THSD7B: variants seen among roughly 807,000 people sequenced by gnomAD.
THSD7B encodes thrombospondin type 1 domain containing 7B.
Under a neutral mutation model 213.6 loss-of-function variants are expected in THSD7B, and 138 were observed. The observed-to-expected ratio is 0.65, with a 90% confidence interval of 0.56 to 0.74. The LOEUF (loss-of-function observed/expected upper bound fraction) is 0.74, where lower values mean the gene tolerates loss of function less well. Ranked by LOEUF, THSD7B falls within the 30% of genes least tolerant of loss-of-function variation. The pLI is 0.00. For synonymous variants in THSD7B, 742 were observed against 687.0 expected (o/e 1.08, Z -1.25); for missense variants, 1,931 against 1,991.5 (o/e 0.97, Z 0.58).
chr2:136,804,594 T>C (rs1301494477), intron 1 of THSD7B, among the ~76,000 whole-genome samples: 1 of 152,136 alleles, frequency 6.6e-6, no homozygotes, highest in Non-Finnish European at 1.5e-5. Context: ...TGGTGTTTTG[T>C]AAGGTAGTCA....
chr2:137,022,531 C>T (rs1686464238), intron 2 of THSD7B, among the ~76,000 whole-genome samples: 1 of 150,878 alleles, frequency 6.6e-6, no homozygotes, highest in South Asian at 2.1e-4. Context: ...GAAGATGTAC[C>T]ACAAAAAAAT....
intron 3 of THSD7B, among the ~76,000 whole-genome samples, chr2:137,091,262 CAG>C (rs746693321): frequency 3.7e-4 from 57 of 152,104 alleles, no homozygotes; most frequent in Admixed American, 8.5e-4. Context: ...GGATGAGCAA[CAG>C]AGAGTGAAAG....
chr2:137,321,225 T>C (rs1573960120), intron 12 of THSD7B, among the ~76,000 whole-genome samples: 1 of 152,328 alleles, frequency 6.6e-6, no homozygotes, highest in Non-Finnish European at 1.5e-5. Flanking sequence ...GTTTAGAGTA[T>C]TATGTCTCTT....
At chr2:137,103,895 A>C (rs1412497969) in intron 4 of THSD7B, among the ~76,000 whole-genome samples, 1 of 152,224 alleles carries the variant, frequency 6.6e-6, no homozygotes, top group Non-Finnish European at 1.5e-5. Flanking sequence ...CCAAGTACTT[A>C]GAGACCTACA....
intron 15 of THSD7B, among the ~76,000 whole-genome samples, chr2:137,492,948 C>T (rs538234637): frequency 5.6e-4 from 85 of 151,038 alleles, no homozygotes; most frequent in African/African-American, 1.8e-3. Context: ...GGTGAAACCC[C>T]GTCTCTACTA....
At chr2:137,635,243 G>A (rs1300330569) in intron 20 of THSD7B, among the ~76,000 whole-genome samples, 16 of 152,164 alleles carry the variant, frequency 1.1e-4, no homozygotes, top group Non-Finnish European at 1.3e-4. Flanking sequence ...GTCAACTTCT[G>A]TTCCTTCATC....
intron 5 of THSD7B, among the ~76,000 whole-genome samples, chr2:137,147,821 C>T (rs993422605): frequency 3.4e-4 from 51 of 152,194 alleles, no homozygotes; most frequent in African/African-American, 1.2e-3. Flanking sequence ...TCTTCCTGTT[C>T]CCTTTCTCTC....
chr2:137,670,171 T>C (rs752389765), intron 27 of THSD7B, among the ~76,000 whole-genome samples: 5 of 152,178 alleles, frequency 3.3e-5, no homozygotes, highest in Non-Finnish European at 4.4e-5. Flanking sequence ...CCTTTAATAA[T>C]GTCCCTGTGG....
intron 25 of THSD7B, 95 bp from the exon 26 acceptor site, chr2:137,663,288 T>C: frequency 9.2e-7 from 1 of 1,089,198 alleles, no homozygotes; most frequent in Non-Finnish European, 1.2e-6. Context: ...TGCCATGATG[T>C]ATAGTGCAAA....
chr2:137,501,016 T>C (rs1467134897), intron 15 of THSD7B, among the ~76,000 whole-genome samples: 2 of 152,174 alleles, frequency 1.3e-5, no homozygotes, highest in Non-Finnish European at 2.9e-5. Flanking sequence ...ATTAAGCATC[T>C]CAGTACTTCA....
intron 10 of THSD7B, among the ~76,000 whole-genome samples, chr2:137,262,499 C>T (rs1682474862): frequency 6.6e-6 from 1 of 151,840 alleles, no homozygotes; most frequent in African/African-American, 2.4e-5. Context: ...ACACATAACA[C>T]ATTGACAAGA....
At chr2:136,915,385 T>C (rs1684333028) in intron 2 of THSD7B, among the ~76,000 whole-genome samples, 1 of 152,170 alleles carries the variant, frequency 6.6e-6, no homozygotes, top group South Asian at 2.1e-4. Flanking sequence ...TTATATGATG[T>C]TTTTCCTGTG....
At chr2:136,779,198 ATGTGTGTGTGTGTGTGTGTGTGTGTG>A (rs199689020) in intron 1 of THSD7B, among the ~76,000 whole-genome samples, 1 of 55,088 alleles carries the variant, frequency 1.8e-5, no homozygotes, top group African/African-American at 7.2e-5. Context: ...ATATATATAT[ATGTGTGTGTGTGTGTGTGTGTGTGTG>A]TGTGTGTGTG....
intron 5 of THSD7B, among the ~76,000 whole-genome samples, chr2:137,134,815 T>C (rs1679398312): frequency 6.6e-6 from 1 of 152,210 alleles, no homozygotes; most frequent in Non-Finnish European, 1.5e-5. Flanking sequence ...AACCAAGTTC[T>C]TTCTACCCTT....
chr2:137,438,400 A>G (rs1687335206), intron 14 of THSD7B, among the ~76,000 whole-genome samples: 1 of 152,132 alleles, frequency 6.6e-6, no homozygotes, highest in African/African-American at 2.4e-5. Context: ...GGGTACTGTT[A>G]TTAACCCCAT....
At chr2:137,538,585 T>C (rs1370238973) in intron 15 of THSD7B, 1 of 486,572 alleles carries the variant, frequency 2.1e-6, no homozygotes, top group African/African-American at 2.0e-5. Context: ...TTTTTTTCTC[T>C]TTGTAAATTC....
chr2:137,511,467 T>C (rs970344661), intron 15 of THSD7B, among the ~76,000 whole-genome samples: 1 of 152,162 alleles, frequency 6.6e-6, no homozygotes, highest in Middle Eastern at 3.2e-3. Context: ...CAAAGGGTTG[T>C]TGTGTTTTTG....
At chr2:137,533,845 G>A (rs1315565514) in intron 15 of THSD7B, among the ~76,000 whole-genome samples, 1 of 151,832 alleles carries the variant, frequency 6.6e-6, no homozygotes, top group Admixed American at 6.6e-5. Flanking sequence ...CTGCTTGATT[G>A]ATACCCTCTC....
chr2:137,623,381 G>A (rs1279945459), intron 20 of THSD7B, among the ~76,000 whole-genome samples: 5 of 152,118 alleles, frequency 3.3e-5, no homozygotes, highest in Admixed American at 1.3e-4. Flanking sequence ...CATACTGAAT[G>A]GGCAAAAACT....
Sources: allele counts gnomAD v4.1 joint callset (sites outside exome capture counted in the v4.1 genomes callset), GRCh38; gene constraint gnomAD v4.1.1; transcripts MANE v1.5; gene names NCBI Gene and HGNC (gene_info 2026-07-23, HGNC 2026-07-21).